Variants in RUNX1 observed in about 807,000 individuals in gnomAD.
RUNX1 encodes RUNX family transcription factor 1, also known as runt-related transcription factor 1.
In RUNX1, 19 loss-of-function variants were observed where a neutral mutation model predicts 42.8. That is an observed-to-expected ratio of 0.44 (90% CI 0.31 to 0.65). The LOEUF (loss-of-function observed/expected upper bound fraction) is 0.65, where lower values mean the gene tolerates loss of function less well. Among genes scored for constraint, RUNX1 ranks in the 30% least tolerant of loss-of-function variants. The probability of loss-of-function intolerance (pLI) is 0.07; values close to 1 mark genes in which losing one functional copy is unlikely to be tolerated. For synonymous variants in RUNX1, 271 were observed against 289.4 expected (o/e 0.94, Z 0.64); for missense variants, 528 against 672.0 (o/e 0.79, Z 2.37).
chr21:34,993,088 G>A (rs150843443), intron 2 of RUNX1, among the ~76,000 whole-genome samples: 133 of 152,378 alleles, frequency 8.7e-4, no homozygotes, highest in African/African-American at 3.1e-3. Flanking sequence ...AAGGTGCTGG[G>A]TGCTTCACCT....
rs780999703 is a variant in RUNX1, at chr21:34,834,547, T to C, written c.668A>G (p.Glu223Gly). 7.4e-5 allele frequency: 119 copies of C among 1,611,208 alleles called. 1 individual carries two copies. The highest frequency in any genetic ancestry group is 6.7e-5 in the Non-Finnish European group (79 of 1,179,828). ...CAGCTGCTCCAGTTCACTGAGCCGC[T>C]CGGAAAAGGACAAGCTCCCGGGCTT... ...QTKPGSLSFS[E>G]RLSELEQLRR... Residue 223 changes from glutamate to glycine, a missense_variant, in exon 7 of 9, where the codon GAG becomes GGG. Physicochemically the swap from Glu to Gly is moderately conservative, Grantham distance 98 (BLOSUM62 -2). This residue lies in a region of RUNX1 where 331 missense variants were observed against 382.5 expected (regional missense o/e 0.87). Coordinates refer to ENST00000675419, the MANE Select transcript of RUNX1 (RefSeq NM_001754.5).
At chr21:34,869,900 G>A (rs548193261) in intron 5 of RUNX1, among the ~76,000 whole-genome samples, 1 of 152,282 alleles carries the variant, frequency 6.6e-6, no homozygotes, top group East Asian at 1.9e-4. Flanking sequence ...ATACGATTGG[G>A]AATTAAAAGG....
Position 35,048,874 on chromosome 21 carries a change from G to T in RUNX1, c.26C>A (p.Ser9Ter). The T allele has an allele frequency of 6.2e-7, 1 of 1,613,894 alleles. No individual in the cohort carries two copies. Among genetic ancestry groups the T allele is most frequent in the Non-Finnish European group, 8.5e-7 (1 of 1,179,876 alleles). ...GAAGCACTGTGGGTACGAAGGAAAT[G>T]ACTCAAATATGCTGTCTGAAGCCAT... MASDSIFE[S>*]FPSYPQCFMR... Residue 9 changes from serine to a stop codon, truncating the protein, a stop_gained, in exon 2 of 9, where the codon TCA becomes TAA. Transcript: ENST00000675419. LOFTEE classifies it high-confidence loss of function.
chr21:34,943,616 T>C (rs2058544093), intron 2 of RUNX1, among the ~76,000 whole-genome samples: 1 of 152,120 alleles, frequency 6.6e-6, no homozygotes, highest in African/African-American at 2.4e-5. Flanking sequence ...GGGTCAATGA[T>C]TTTACCAGGT....
rs141848527 is a variant in RUNX1 at position 34,961,422 on chromosome 21, C to T, written c.59-68459G>A. ...AATAACAGAAACAAGGACATTCATACGTTTTCTAAATATTTTGACTCACTA... is the reference window on the plus strand; with the variant it reads ...AATAACAGAAACAAGGACATTCATATGTTTTCTAAATATTTTGACTCACTA... On this transcript the variant is annotated intron_variant, in intron 2 of 8. Transcript: ENST00000675419. 4.3e-4 allele frequency among the ~76,000 whole-genome samples: 66 copies of T among 152,038 alleles called. No homozygotes were observed. The East Asian group carries it at 0.01, about 24-fold the overall frequency.
intron 2 of RUNX1, among the ~76,000 whole-genome samples, chr21:34,953,189 A>G (rs2146676901): frequency 6.6e-6 from 1 of 152,108 alleles, no homozygotes; most frequent in African/African-American, 2.4e-5. Context: ...ACTTAATTTA[A>G]TGCAACAAGC....
At chr21:34,877,514 TACTG>T (rs2057831765) in intron 5 of RUNX1, among the ~76,000 whole-genome samples, 1 of 152,128 alleles carries the variant, frequency 6.6e-6, no homozygotes. Context: ...TACATGGAGA[TACTG>T]AATCAAAGAG....
chr21:34,890,822 G>T (rs1340274574), intron 3 of RUNX1, among the ~76,000 whole-genome samples: 1 of 146,398 alleles, frequency 6.8e-6, no homozygotes, highest in Non-Finnish European at 1.5e-5. Flanking sequence ...CAGCGCCTTT[G>T]CCTGCGGGTT....
At position 34,793,768 on chromosome 21, in the gene RUNX1, A is replaced by T. The variant is rs549140319; in HGVS notation, c.968-1158T>A. Among the ~76,000 whole-genome samples the T allele has an allele frequency of 2.1e-4, 32 of 149,506 alleles. 1 individual carries two copies. Among genetic ancestry groups the T allele is most frequent in the South Asian group, 1.9e-3 (9 of 4,710 alleles). ...ACCAAGGCTGGAGTGCAGTGGTGTG[A>T]TCTCGGCTCACTGCACCCACCACCT... On this transcript the variant is annotated intron_variant, in intron 8 of 8. Coordinates refer to ENST00000675419, the MANE Select transcript of RUNX1 (RefSeq NM_001754.5).
chr21:35,045,527 G>T (rs1387618886), intron 2 of RUNX1, among the ~76,000 whole-genome samples: 1 of 152,182 alleles, frequency 6.6e-6, no homozygotes, highest in African/African-American at 2.4e-5. Flanking sequence ...TTAGGATACA[G>T]ACACACACAG....
At chr21:34,942,322 A>G (rs1411386183) in intron 2 of RUNX1, among the ~76,000 whole-genome samples, 1 of 152,162 alleles carries the variant, frequency 6.6e-6, no homozygotes, top group Non-Finnish European at 1.5e-5. Flanking sequence ...TCAAGCAAAA[A>G]AAAAAAAATC....
chr21:34,792,300 C>CGGGGGGGG lies in RUNX1; in HGVS notation c.1277_1278insCCCCCCCC (p.Arg427ProfsTer170), dbSNP rs2056451263. ...CGTTGGTGCAGGGCGGCAGGATGCG[C>CGGGGGGGG]GGCGGCGAGCGCTCGCCGCCCACCA... On this transcript the variant is annotated frameshift_variant, in exon 9 of 9. Coordinates refer to ENST00000675419, the MANE Select transcript of RUNX1 (RefSeq NM_001754.5). LOFTEE classifies it high-confidence loss of function. The surrounding 1 kb of genome is among the most constrained non-coding windows in gnomAD (Gnocchi z 6.9). 8.5e-6 allele frequency: 13 copies of CGGGGGGGG among 1,534,588 alleles called. No homozygotes were observed. Among genetic ancestry groups the CGGGGGGGG allele is most frequent in the Middle Eastern group, 1.7e-4 (1 of 5,866 alleles).
intron 2 of RUNX1, among the ~76,000 whole-genome samples, chr21:35,012,555 C>A (rs961953382): frequency 6.6e-6 from 1 of 152,144 alleles, no homozygotes; most frequent in African/African-American, 2.4e-5. Flanking sequence ...GAGGTGGCGA[C>A]TCTCTCTTAA....
intron 2 of RUNX1, among the ~76,000 whole-genome samples, chr21:34,899,629 T>C (rs894287604): frequency 1.3e-5 from 2 of 152,188 alleles, no homozygotes; most frequent in African/African-American, 4.8e-5. Flanking sequence ...AGGAGCTGCT[T>C]TACATACATT....
In RUNX1 at chr21:34,788,767, A is replaced by G. The variant is rs537478646; in HGVS notation, c.*3368T>C. The G allele has an allele frequency of 4.3e-6, 1 of 233,652 alleles. No homozygotes were observed. The highest frequency in any genetic ancestry group is 2.2e-5 in the African/African-American group (1 of 45,482). 14.5% of individuals were successfully genotyped at this position (233,652 alleles called of 1,614,324 possible). On this transcript the variant is annotated 3_prime_UTR_variant, in exon 9 of 9. Transcript: ENST00000675419. ...CAAAACAAATGTATACGCTACGGTA[A>G]ACAAAAAGGCATTTTGTTCAGATGT... is the stretch of plus-strand genomic sequence containing the variant.
chr21:34,872,290 G>A (rs1050631861), intron 5 of RUNX1, among the ~76,000 whole-genome samples: 2 of 152,156 alleles, frequency 1.3e-5, no homozygotes, highest in Non-Finnish European at 1.5e-5. Flanking sequence ...TGCAGTCCTC[G>A]TGGACCTCAC....
chr21:34,909,644 A>C (rs1245932476), intron 2 of RUNX1, among the ~76,000 whole-genome samples: 1 of 107,090 alleles, frequency 9.3e-6, no homozygotes, highest in Non-Finnish European at 1.8e-5. Context: ...ACTTCTCCAG[A>C]GTGACCTCTT....
chr21:34,916,157 C>T (rs1406082453), intron 2 of RUNX1, among the ~76,000 whole-genome samples: 5 of 152,158 alleles, frequency 3.3e-5, no homozygotes, highest in African/African-American at 7.2e-5. Context: ...TGAAAGGCAA[C>T]GCCAGTGGCT....
In RUNX1 at chr21:34,792,303, C is replaced by T. The variant is rs886038488; in HGVS notation, c.1275G>A (p.Pro425=). The change falls in exon 9 of 9, where the codon CCG becomes CCA. Residue 425 remains proline, a synonymous_variant. Transcript: ENST00000675419. This position sits in a 1 kb window ranked among gnomAD's most constrained non-coding sequence, Gnocchi z 6.9. ...TGGTGCAGGGCGGCAGGATGCGCGG[C>T]GGCGAGCGCTCGCCGCCCACCATGG... is the stretch of plus-strand genomic sequence containing the variant. ...QFSMVGGERS[P]PRILPPCTNA... 1.4e-5 allele frequency: 22 copies of T among 1,535,974 alleles called. No homozygotes were observed. The highest frequency in any genetic ancestry group is 2.8e-5 in the African/African-American group (2 of 72,274).
Sources: gnomAD v4.1 joint callset for allele counts (sites outside exome capture counted in the v4.1 genomes callset) on GRCh38, gnomAD v4.1.1 for gene constraint, gnomAD v4.1.1 regional missense constraint, Gnocchi (gnomAD v3.1) non-coding constraint, MANE v1.5 for transcripts, NCBI Gene and HGNC (gene_info 2026-07-23, HGNC 2026-07-21) for gene names.